The following PRKAR1B variants were observed in gnomAD, a reference collection of about 807,000 sequenced individuals.
PRKAR1B encodes the protein protein kinase cAMP-dependent type I regulatory subunit beta.
Under a neutral mutation model 46.5 loss-of-function variants are expected in PRKAR1B, and 22 were observed. The ratio of observed to expected loss-of-function variants is 0.47; its 90% CI spans 0.34 to 0.68. PRKAR1B has a LOEUF of 0.68. Among genes scored for constraint, PRKAR1B ranks in the 30% least tolerant of loss-of-function variants. PRKAR1B has a pLI of 0.01. For missense variants in PRKAR1B, 445 were observed against 535.6 expected, an observed-to-expected ratio of 0.83 and a Z score of 1.67; for synonymous variants, 259 against 217.7, an observed-to-expected ratio of 1.19 and a Z score of -1.67.
chr7:719,200 C>T (rs924747764), intron 1 of PRKAR1B, among the ~76,000 whole-genome samples: 28 of 152,032 alleles, frequency 1.8e-4, no homozygotes, highest in Admixed American at 9.2e-4. Flanking sequence ...CCACCACACC[C>T]GACTAATTTT....
chr7:681,971 G>A (rs771628990), intron 2 of PRKAR1B, among the ~76,000 whole-genome samples: 96 of 152,238 alleles, frequency 6.3e-4, no homozygotes, highest in Non-Finnish European at 1.0e-3. Flanking sequence ...AGGACACACC[G>A]GGCCCTGAGC....
intron 4 of PRKAR1B, among the ~76,000 whole-genome samples, chr7:658,492 GGCTGAGGTTT>G (rs1466451990): frequency 6.6e-6 from 1 of 152,184 alleles, no homozygotes; most frequent in African/African-American, 2.4e-5. Flanking sequence ...ATGATCTGAT[GGCTGAGGTTT>G]GCTTCAAAAT....
At chr7:588,615 G>GATGGTGA (rs1780757844) in intron 7 of PRKAR1B, among the ~76,000 whole-genome samples, 1 of 128,504 alleles carries the variant, frequency 7.8e-6, no homozygotes, top group African/African-American at 3.0e-5. Flanking sequence ...GGTGATGGTG[G>GATGGTGA]TGATGGTGAT....
At chr7:634,288 C>T (rs966449989) in intron 4 of PRKAR1B, among the ~76,000 whole-genome samples, 2 of 151,876 alleles carry the variant, frequency 1.3e-5, no homozygotes, top group Admixed American at 6.6e-5. Context: ...TCCCAAAGTG[C>T]TGGGATTACA....
chr7:695,841 T>G (rs1417548862), intron 2 of PRKAR1B, among the ~76,000 whole-genome samples: 1 of 151,930 alleles, frequency 6.6e-6, no homozygotes, highest in Non-Finnish European at 1.5e-5. Context: ...TTTTTTTGTA[T>G]TTTTAGTAGA....
At chr7:559,426 GATCTGCTCCGTCT>G in intron 9 of PRKAR1B, among the ~76,000 whole-genome samples, 1 of 152,332 alleles carries the variant, frequency 6.6e-6, no homozygotes, top group Non-Finnish European at 1.5e-5. Context: ...AGTCAGAAGG[GATCTGCTCCGTCT>G]CAGGGCTGGT....
chr7:575,406 G>A (rs1779762894), intron 9 of PRKAR1B, among the ~76,000 whole-genome samples: 1 of 152,230 alleles, frequency 6.6e-6, no homozygotes, highest in African/African-American at 2.4e-5. Context: ...CCCAGTCTTG[G>A]GTAACCTACG....
chr7:599,180 C>CA (rs1781450380), intron 6 of PRKAR1B, among the ~76,000 whole-genome samples: 1 of 152,240 alleles, frequency 6.6e-6, no homozygotes, highest in East Asian at 1.9e-4. Flanking sequence ...GCCCGGAGGA[C>CA]AAAGGGGCCA....
At chr7:665,326 A>G (rs1785843989) in intron 4 of PRKAR1B, among the ~76,000 whole-genome samples, 1 of 152,126 alleles carries the variant, frequency 6.6e-6, no homozygotes, top group Admixed American at 6.5e-5. Flanking sequence ...TTCTACTCCA[A>G]GCTGGGTGGC....
chr7:678,250 CAG>C (rs1778446188), intron 3 of PRKAR1B, among the ~76,000 whole-genome samples: 1 of 152,276 alleles, frequency 6.6e-6, no homozygotes, highest in East Asian at 1.9e-4. Flanking sequence ...GCCTGAGTGA[CAG>C]AGGGAGAATT....
At chr7:660,240 C>T (rs1271306795) in intron 4 of PRKAR1B, among the ~76,000 whole-genome samples, 2 of 151,906 alleles carry the variant, frequency 1.3e-5, no homozygotes, top group Non-Finnish European at 1.5e-5. Context: ...GCTCAGTCTC[C>T]CCGGGGACAT....
intron 4 of PRKAR1B, among the ~76,000 whole-genome samples, chr7:661,499 C>A (rs530762024): frequency 1.6e-4 from 16 of 98,894 alleles, no homozygotes; most frequent in African/African-American, 4.2e-4. Context: ...AATACTTACT[C>A]TTCCCCTCCA....
upstream of PRKAR1B, chr7:727,323 C>A (rs1781364971): frequency 4.0e-6 from 5 of 1,262,740 alleles, 1 homozygote; most frequent in South Asian, 1.0e-4. Flanking sequence ...CCGGTGAGCA[C>A]CCCGGGCCCC....
At position 672,309 on chromosome 7, in the gene PRKAR1B, C is replaced by T. The variant is rs533999967; in HGVS notation, c.440+4920G>A. On this transcript the variant is annotated intron_variant, in intron 4 of 10. Transcript: ENST00000537384. ...GGGATTACAGGCATGCGCAACTGTG[C>T]TCAGCCTAATTTTTGTATTTTTAGT... Among the ~76,000 whole-genome samples, 35 of 152,130 alleles carry T rather than the reference C, an allele frequency of 2.3e-4. 1 individual carries two copies. In the East Asian group the frequency reaches 6.9e-3, roughly 30 times the overall value.
At chr7:553,069 G>A (rs1320637217) in intron 9 of PRKAR1B, among the ~76,000 whole-genome samples, 2 of 152,212 alleles carry the variant, frequency 1.3e-5, no homozygotes, top group Admixed American at 1.3e-4. Context: ...GGTCCCTCCA[G>A]GGCCCCAGGT....
chr7:588,814 C>CGGTGGT (rs1780795866), intron 7 of PRKAR1B, among the ~76,000 whole-genome samples: 180 of 14,574 alleles, frequency 0.012, 1 homozygote, highest in Admixed American at 0.017. Context: ...GTGGTGATCA[C>CGGTGGT]GATGATGGTG....
At chr7:612,386 GTGGATGGATAGA>G (rs2128468963) in intron 4 of PRKAR1B, among the ~76,000 whole-genome samples, 1 of 144,454 alleles carries the variant, frequency 6.9e-6, no homozygotes, top group Admixed American at 6.9e-5. Context: ...AAGTGGGTGG[GTGGATGGATAGA>G]TGGATGGATG....
At chr7:635,358 G>T (rs1172965849) in intron 4 of PRKAR1B, among the ~76,000 whole-genome samples, 3 of 152,210 alleles carry the variant, frequency 2.0e-5, no homozygotes, top group Admixed American at 2.0e-4. Context: ...TCGCGCCCAG[G>T]CAGACTGTGG....
chr7:633,904 G>A (rs900490370), intron 4 of PRKAR1B, among the ~76,000 whole-genome samples: 2 of 152,204 alleles, frequency 1.3e-5, no homozygotes, highest in African/African-American at 4.8e-5. Context: ...TCAGGGATTT[G>A]GACCAGGCAC....
Sources: allele counts gnomAD v4.1 joint callset (sites outside exome capture counted in the v4.1 genomes callset), GRCh38; gene constraint gnomAD v4.1.1; transcripts MANE v1.5; gene names NCBI Gene and HGNC (gene_info 2026-07-23, HGNC 2026-07-21).